The following LRP1B variants were observed in gnomAD, a reference collection of about 807,000 sequenced individuals.
LRP1B encodes the protein LDL receptor related protein 1B, also known as low-density lipoprotein receptor-related protein 1B.
Under a neutral mutation model 556.6 loss-of-function variants are expected in LRP1B, and 217 were observed. That is an observed-to-expected ratio of 0.39 (90% confidence interval 0.35 to 0.44). The LOEUF (loss-of-function observed/expected upper bound fraction) is 0.44, where lower values mean the gene tolerates loss of function less well. Among genes scored for constraint, LRP1B ranks in the 20% least tolerant of loss-of-function variants. The pLI, the probability that LRP1B is intolerant of heterozygous loss-of-function variation, is 1.00. For missense variants in LRP1B, 5,053 were observed against 5,620.8 expected (o/e 0.90, Z 3.23); for synonymous variants, 2,047 against 1,865.8 (o/e 1.10, Z -2.50).
At chr2:140,428,899 G>A (rs944981303) in intron 66 of LRP1B, among the ~76,000 whole-genome samples, 3 of 151,938 alleles carry the variant, frequency 2.0e-5, no homozygotes, top group Non-Finnish European at 2.9e-5. Context: ...CCCTTATTAG[G>A]CTGAGATATT....
chr2:142,027,595 T>A (rs1361397287), intron 1 of LRP1B, among the ~76,000 whole-genome samples: 1 of 151,802 alleles, frequency 6.6e-6, no homozygotes, highest in African/African-American at 2.4e-5. Context: ...CTTCCTCACA[T>A]ACATTTATCC....
chr2:140,896,238 A>T (rs1319242121), intron 23 of LRP1B, among the ~76,000 whole-genome samples: 3 of 152,078 alleles, frequency 2.0e-5, no homozygotes, highest in Non-Finnish European at 4.4e-5. Context: ...CTGAATATTG[A>T]GATATGAGAA....
At chr2:140,717,579 G>C (rs1333284705) in intron 35 of LRP1B, among the ~76,000 whole-genome samples, 1 of 151,994 alleles carries the variant, frequency 6.6e-6, no homozygotes, top group Non-Finnish European at 1.5e-5. Context: ...TATGCATAAA[G>C]GGTAGTAATT....
intron 29 of LRP1B, among the ~76,000 whole-genome samples, chr2:140,845,027 C>T (rs1443723190): frequency 6.6e-6 from 1 of 151,940 alleles, no homozygotes; most frequent in Non-Finnish European, 1.5e-5. Context: ...ATAGACACAC[C>T]CTAGTGAAAG....
At chr2:141,182,474 C>T (rs1202273046) in intron 7 of LRP1B, among the ~76,000 whole-genome samples, 1 of 151,898 alleles carries the variant, frequency 6.6e-6, no homozygotes, top group Non-Finnish European at 1.5e-5. Flanking sequence ...TGTGTGAGAA[C>T]CTAGGTTGTT....
intron 6 of LRP1B, among the ~76,000 whole-genome samples, chr2:141,204,615 A>G (rs1365618410): frequency 6.6e-6 from 1 of 152,240 alleles, no homozygotes; most frequent in African/African-American, 2.4e-5. Context: ...ATATGTACTC[A>G]TATTGAAATT....
chr2:140,793,107 T>A (rs993598695), intron 32 of LRP1B, among the ~76,000 whole-genome samples: 4 of 152,118 alleles, frequency 2.6e-5, no homozygotes, highest in South Asian at 2.1e-4. Flanking sequence ...TTATATATAT[T>A]TTTTAAATGA....
intron 2 of LRP1B, among the ~76,000 whole-genome samples, chr2:141,789,902 TC>T (rs1695555851): frequency 6.6e-6 from 1 of 152,004 alleles, no homozygotes; most frequent in South Asian, 2.1e-4. Context: ...CCTTCATTTT[TC>T]CCTTTTATTG....
rs77203226 is a variant in LRP1B, at chr2:140,692,429, T to C, written c.6799+7821A>G. 1.8e-3 allele frequency among the ~76,000 whole-genome samples: 277 copies of C among 152,256 alleles called. 7 individuals carry two copies. In the East Asian group the frequency reaches 0.05, roughly 28 times the overall value. The stretch of plus-strand genomic sequence containing the variant: ...TGAACCATTTCAAAATTTCAAAATG[T>C]TACAAATAGCTCTTCAGAGTAGTTG... On this transcript the variant is annotated intron_variant, in intron 41 of 90. Coordinates refer to ENST00000389484, the MANE Select transcript of LRP1B (RefSeq NM_018557.3).
chr2:141,519,043 C>T (rs62167933), intron 2 of LRP1B, among the ~76,000 whole-genome samples: 91,980 of 151,836 alleles, frequency 0.61, 28,163 homozygotes, highest in South Asian at 0.7. Context: ...TTGAGAAAAT[C>T]GCTTTAACTC....
intron 1 of LRP1B, among the ~76,000 whole-genome samples, chr2:141,875,634 A>C (rs1698731990): frequency 6.6e-6 from 1 of 151,968 alleles, no homozygotes; most frequent in South Asian, 2.1e-4. Context: ...ATTCTCAGTC[A>C]GTAGTCTTTC....
chr2:141,269,898 A>G (rs187925917), intron 3 of LRP1B, among the ~76,000 whole-genome samples: 6 of 152,142 alleles, frequency 3.9e-5, no homozygotes, highest in African/African-American at 1.4e-4. Flanking sequence ...ACATGCTTAA[A>G]TAAGTAAAGG....
At chr2:140,420,969 T>C (rs2105265578) in intron 66 of LRP1B, among the ~76,000 whole-genome samples, 2 of 140,756 alleles carry the variant, frequency 1.4e-5, no homozygotes, top group Middle Eastern at 7.4e-3. Context: ...ATGTGTGGTT[T>C]CCTGGGCTGG....
rs1553553406 is a variant in LRP1B, at chr2:140,888,977, A to AAC, written c.3767-2643_3767-2642insGT. The stretch of plus-strand genomic sequence containing the variant: ...GTCTGTCTCAAAAAAAAAAAAAAAA[A>AAC]AAACTTGAAATGATATATAAGCATT... On this transcript the variant is annotated intron_variant, in intron 23 of 90. Transcript: ENST00000389484. Among the ~76,000 whole-genome samples the AAC allele has an allele frequency of 2.4e-3, 367 of 151,088 alleles. 2 individuals are homozygous for AAC. The highest frequency in any genetic ancestry group is 7.9e-3 in the African/African-American group (321 of 40,632).
At chr2:140,450,152 A>T (rs191944471) in intron 63 of LRP1B, among the ~76,000 whole-genome samples, 1 of 152,284 alleles carries the variant, frequency 6.6e-6, no homozygotes, top group East Asian at 1.9e-4. Context: ...GCTGACAGTA[A>T]ATTTAAGAAA....
chr2:141,317,284 T>C (rs1687069466), intron 3 of LRP1B, among the ~76,000 whole-genome samples: 2 of 152,336 alleles, frequency 1.3e-5, no homozygotes, highest in South Asian at 2.1e-4. Flanking sequence ...AAATTTATTT[T>C]CTTACAGTTC....
At chr2:141,393,372 A>G (rs1297166545) in intron 3 of LRP1B, among the ~76,000 whole-genome samples, 1 of 152,162 alleles carries the variant, frequency 6.6e-6, no homozygotes, top group African/African-American at 2.4e-5. Flanking sequence ...CAATTATCAG[A>G]TAAGCATAGA....
intron 7 of LRP1B, among the ~76,000 whole-genome samples, chr2:141,144,171 A>C (rs1401596652): frequency 2.6e-5 from 4 of 152,200 alleles, no homozygotes; most frequent in Non-Finnish European, 4.4e-5. Flanking sequence ...AGAAAGAAAG[A>C]AATTCAACCT....
intron 1 of LRP1B, among the ~76,000 whole-genome samples, chr2:141,860,999 C>G (rs1698221491): frequency 6.6e-6 from 1 of 152,174 alleles, no homozygotes; most frequent in African/African-American, 2.4e-5. Flanking sequence ...TCGTATATTG[C>G]ACAATTCTCT....
Sources: gnomAD v4.1 joint callset for allele counts (sites outside exome capture counted in the v4.1 genomes callset) on GRCh38, gnomAD v4.1.1 for gene constraint, MANE v1.5 for transcripts, NCBI Gene and HGNC (gene_info 2026-07-23, HGNC 2026-07-21) for gene names.